Variants in RIMS2 observed in about 807,000 individuals in gnomAD.
RIMS2 encodes regulating synaptic membrane exocytosis 2, also known as regulating synaptic membrane exocytosis protein 2.
RIMS2 carries 59 observed loss-of-function variants against 174.4 expected under a neutral mutation model. The observed-to-expected ratio is 0.34, with a 90% confidence interval of 0.27 to 0.42. The LOEUF (loss-of-function observed/expected upper bound fraction) is 0.42, where lower values mean the gene tolerates loss of function less well. Ranked by LOEUF, RIMS2 falls within the 10% of genes least tolerant of loss-of-function variation. The pLI is 1.00. For synonymous variants in RIMS2, 606 were observed against 572.5 expected, an observed-to-expected ratio of 1.06 and a Z score of -0.84; for missense variants, 1,620 against 1,666.3, an observed-to-expected ratio of 0.97 and a Z score of 0.48.
chr8:103,879,642 G>A (rs1373935964), intron 3 of RIMS2, among the ~76,000 whole-genome samples: 1 of 151,556 alleles, frequency 6.6e-6, no homozygotes, highest in Admixed American at 6.6e-5. Flanking sequence ...TAAAATGATA[G>A]AGGTGAATAC....
intron 19 of RIMS2, among the ~76,000 whole-genome samples, chr8:104,024,052 A>C (rs1485274123): frequency 6.6e-6 from 1 of 152,186 alleles, no homozygotes; most frequent in Non-Finnish European, 1.5e-5. Context: ...AGGGGATTCA[A>C]GGAAAGAGAG....
At chr8:104,082,792 ATTAC>A (rs2097449032) in intron 19 of RIMS2, among the ~76,000 whole-genome samples, 1 of 151,834 alleles carries the variant, frequency 6.6e-6, no homozygotes, top group Admixed American at 6.6e-5. Context: ...TAATATCTGT[ATTAC>A]TTATGTTCTA....
At chr8:104,061,768 T>G (rs2096995822) in intron 19 of RIMS2, among the ~76,000 whole-genome samples, 2 of 151,962 alleles carry the variant, frequency 1.3e-5, no homozygotes, top group African/African-American at 2.4e-5. Flanking sequence ...TTTTTATGGA[T>G]GCATTGTATT....
intron 3 of RIMS2, among the ~76,000 whole-genome samples, chr8:103,794,744 A>T (rs2098536119): frequency 6.6e-6 from 1 of 152,170 alleles, no homozygotes; most frequent in Admixed American, 6.6e-5. Flanking sequence ...CAAGAAAAAA[A>T]TCAAACAACC....
intron 1 of RIMS2, among the ~76,000 whole-genome samples, chr8:103,568,358 A>T (rs2092542311): frequency 6.6e-6 from 1 of 152,232 alleles, no homozygotes; most frequent in Non-Finnish European, 1.5e-5. Context: ...GAGATGGTTT[A>T]ATCACAGTTT....
chr8:103,700,318 A>T (rs139413799), intron 2 of RIMS2, among the ~76,000 whole-genome samples: 179 of 151,908 alleles, frequency 1.2e-3, no homozygotes, highest in Non-Finnish European at 2.1e-3. Context: ...TTATTAAGTG[A>T]TATTCTTTAT....
At chr8:103,701,701 C>G (rs771588042) in intron 2 of RIMS2, among the ~76,000 whole-genome samples, 12 of 151,974 alleles carry the variant, frequency 7.9e-5, no homozygotes, top group Non-Finnish European at 1.8e-4. Flanking sequence ...CTTTCCGGGC[C>G]TGGCTTATTT....
chr8:103,769,386 T>C (rs1227110779), intron 3 of RIMS2, among the ~76,000 whole-genome samples: 2 of 152,178 alleles, frequency 1.3e-5, no homozygotes, highest in Non-Finnish European at 2.9e-5. Flanking sequence ...TGCAGTGCCA[T>C]GATCTCAGCT....
intron 19 of RIMS2, among the ~76,000 whole-genome samples, chr8:104,209,927 G>T (rs2099098046): frequency 6.6e-6 from 1 of 152,132 alleles, no homozygotes; most frequent in Admixed American, 6.6e-5. Context: ...GTAAGGGAAA[G>T]GGATATATAA....
intron 19 of RIMS2, among the ~76,000 whole-genome samples, chr8:104,134,856 A>C (rs934135474): frequency 2.0e-5 from 3 of 152,160 alleles, no homozygotes; most frequent in Non-Finnish European, 4.4e-5. Context: ...CCCAAACTTC[A>C]TCCTAAATGT....
intron 19 of RIMS2, among the ~76,000 whole-genome samples, chr8:104,154,966 T>C (rs1195043193): frequency 6.6e-6 from 1 of 151,712 alleles, no homozygotes; most frequent in African/African-American, 2.4e-5. Context: ...GAGTTTACTT[T>C]TTTTTTTAAT....
At chr8:103,632,587 A>T (rs1564095871) in intron 1 of RIMS2, among the ~76,000 whole-genome samples, 3 of 148,416 alleles carry the variant, frequency 2.0e-5, no homozygotes, top group African/African-American at 7.5e-5. Context: ...TGCCCAGCTA[A>T]TTTTTGTATT....
At chr8:103,519,516 A>G (rs2130324791) in intron 1 of RIMS2, among the ~76,000 whole-genome samples, 1 of 152,100 alleles carries the variant, frequency 6.6e-6, no homozygotes, top group East Asian at 1.9e-4. Flanking sequence ...GCTTTGTCCC[A>G]GCTCTTACCC....
intron 19 of RIMS2, among the ~76,000 whole-genome samples, chr8:104,112,902 G>T (rs780826926): frequency 1.4e-4 from 21 of 152,188 alleles, no homozygotes; most frequent in Non-Finnish European, 2.6e-4. Flanking sequence ...CAATAAATGA[G>T]AAAGATAATT....
rs149167458 is a variant in RIMS2, at chr8:104,208,812, C to T, written c.3335-36104C>T. Among the ~76,000 whole-genome samples, 508 of 152,298 alleles carry T rather than the reference C, an allele frequency of 3.3e-3. 4 individuals carry two copies. Among genetic ancestry groups the T allele is most frequent in the Non-Finnish European group, 4.4e-3 (301 of 68,022 alleles). The stretch of plus-strand genomic sequence containing the variant: ...AAAACCTCCCAAAGTGTTGGGATTA[C>T]AGGCGTGAGCCACCACGCCCAGCCT... On this transcript the variant is annotated intron_variant, in intron 19 of 23. Coordinates refer to ENST00000504942, the Ensembl canonical transcript of RIMS2.
At chr8:103,702,599 C>T (rs189445130) in intron 2 of RIMS2, among the ~76,000 whole-genome samples, 34 of 152,212 alleles carry the variant, frequency 2.2e-4, no homozygotes, top group Non-Finnish European at 3.5e-4. Context: ...TATACAGTGA[C>T]AGAGTTCTAG....
chr8:103,724,751 A>C (rs1429164202), intron 2 of RIMS2, among the ~76,000 whole-genome samples: 3 of 152,180 alleles, frequency 2.0e-5, no homozygotes, highest in African/African-American at 7.2e-5. Context: ...TTATCCACTA[A>C]TGTTCACAGC....
chr8:104,174,936 G>A (rs1023945536), intron 19 of RIMS2, among the ~76,000 whole-genome samples: 82 of 152,220 alleles, frequency 5.4e-4, no homozygotes, highest in African/African-American at 1.8e-3. Context: ...GATACAGAAT[G>A]GTTAAAATGC....
chr8:103,668,197 G>A (rs958076412), intron 1 of RIMS2, among the ~76,000 whole-genome samples: 4 of 152,148 alleles, frequency 2.6e-5, no homozygotes, highest in African/African-American at 4.8e-5. Context: ...AGATCTGATT[G>A]TTATCAATCT....
Sources: allele counts gnomAD v4.1 joint callset (sites outside exome capture counted in the v4.1 genomes callset), GRCh38; gene constraint gnomAD v4.1.1; transcripts MANE v1.5; gene names NCBI Gene and HGNC (gene_info 2026-07-23, HGNC 2026-07-21).